The following CDH8 variants were observed in gnomAD, a reference collection of about 807,000 sequenced individuals.
The protein encoded by CDH8 is cadherin 8, also known as cadherin-8.
Under a neutral mutation model 68.1 loss-of-function variants are expected in CDH8, and 17 were observed. The observed-to-expected ratio is 0.25, with a 90% CI of 0.17 to 0.37. The LOEUF (loss-of-function observed/expected upper bound fraction) is 0.37, where lower values mean the gene tolerates loss of function less well. Among genes scored for constraint, CDH8 ranks in the 10% least tolerant of loss-of-function variants. The pLI is 1.00. For missense variants in CDH8, 763 were observed against 999.3 expected, an observed-to-expected ratio of 0.76 and a Z score of 3.19; for synonymous variants, 372 against 365.1, an observed-to-expected ratio of 1.02 and a Z score of -0.21.
At chr16:61,866,570 G>T (rs989347119) in intron 3 of CDH8, among the ~76,000 whole-genome samples, 3 of 146,284 alleles carry the variant, frequency 2.1e-5, no homozygotes, top group African/African-American at 7.4e-5. Flanking sequence ...GAATTATATA[G>T]TGTGTGTGTG....
At chr16:61,936,057 A>C (rs1235634341) in intron 2 of CDH8, among the ~76,000 whole-genome samples, 1 of 152,174 alleles carries the variant, frequency 6.6e-6, no homozygotes, top group Non-Finnish European at 1.5e-5. Flanking sequence ...TCAGTAAATC[A>C]GTGTTTTTAT....
chr16:61,673,574 T>G (rs571762378), intron 10 of CDH8, among the ~76,000 whole-genome samples: 1 of 152,258 alleles, frequency 6.6e-6, no homozygotes, highest in Admixed American at 6.5e-5. Context: ...TTATTCAATA[T>G]GTACAATAAG....
intron 2 of CDH8, among the ~76,000 whole-genome samples, chr16:61,982,679 C>G (rs998019247): frequency 6.6e-6 from 1 of 152,146 alleles, no homozygotes; most frequent in East Asian, 1.9e-4. Flanking sequence ...ATAGACAGTA[C>G]TCAGTAAACA....
chr16:61,684,428 G>T (rs9922048), intron 10 of CDH8, among the ~76,000 whole-genome samples: 94,179 of 151,842 alleles, frequency 0.62, 30,867 homozygotes, highest in African/African-American at 0.84. Flanking sequence ...GATATAGCAA[G>T]AAAAAATCCA....
intron 1 of CDH8, among the ~76,000 whole-genome samples, chr16:62,033,722 C>T (rs1596826427): frequency 6.6e-6 from 1 of 152,094 alleles, no homozygotes; most frequent in Non-Finnish European, 1.5e-5. Flanking sequence ...ACTTGACATT[C>T]ACTTGGGGAG....
intron 10 of CDH8, among the ~76,000 whole-genome samples, chr16:61,675,247 C>T (rs2142786816): frequency 1.3e-5 from 2 of 151,976 alleles, no homozygotes; most frequent in Admixed American, 1.3e-4. Flanking sequence ...GGCACATATA[C>T]ACCATGGAAT....
chr16:61,890,752 T>A (rs989104040), intron 3 of CDH8, among the ~76,000 whole-genome samples: 1 of 152,158 alleles, frequency 6.6e-6, no homozygotes, highest in Non-Finnish European at 1.5e-5. Context: ...TCACATTTTC[T>A]TGTGATTTAT....
intron 3 of CDH8, among the ~76,000 whole-genome samples, chr16:61,884,659 C>T (rs75970196): frequency 6.6e-6 from 1 of 152,140 alleles, no homozygotes; most frequent in South Asian, 2.1e-4. Flanking sequence ...CAGGCGTGAG[C>T]CACTGCACTT....
chr16:61,696,910 G>A (rs1964336890), intron 10 of CDH8, among the ~76,000 whole-genome samples: 1 of 152,094 alleles, frequency 6.6e-6, no homozygotes, highest in Admixed American at 6.6e-5. Context: ...TGGACACAAA[G>A]AAGGAAACAA....
At chr16:61,782,298 T>C (rs567946583) in intron 8 of CDH8, among the ~76,000 whole-genome samples, 1 of 151,910 alleles carries the variant, frequency 6.6e-6, no homozygotes, top group Non-Finnish European at 1.5e-5. Context: ...GGTCAGGGAG[T>C]TCCCTTTCCG....
At chr16:61,808,008 G>A (rs1021575366) in intron 7 of CDH8, among the ~76,000 whole-genome samples, 27 of 152,186 alleles carry the variant, frequency 1.8e-4, no homozygotes, top group Admixed American at 1.2e-3. Context: ...ATGCTACAAA[G>A]TGTAAATGTA....
intron 2 of CDH8, among the ~76,000 whole-genome samples, chr16:61,914,468 T>C (rs780300743): frequency 5.9e-5 from 9 of 152,188 alleles, no homozygotes; most frequent in Non-Finnish European, 1.2e-4. Context: ...ATTTTGCAGA[T>C]GTGACTAAAT....
chr16:61,672,005 C>T (rs1963806370), intron 10 of CDH8, among the ~76,000 whole-genome samples: 1 of 152,060 alleles, frequency 6.6e-6, no homozygotes, highest in African/African-American at 2.4e-5. Flanking sequence ...ATAGAGAAAT[C>T]TAAATACATT....
At chr16:61,955,154 T>C (rs1964965690) in intron 2 of CDH8, among the ~76,000 whole-genome samples, 1 of 152,204 alleles carries the variant, frequency 6.6e-6, no homozygotes, top group Non-Finnish European at 1.5e-5. Flanking sequence ...TGGGTTACTG[T>C]TTTCTCTTCA....
chr16:61,647,624 G>A lies in CDH8; in HGVS notation c.*5984C>T. 1.1e-5 allele frequency: 6 copies of A among 531,486 alleles called. No homozygotes were observed. Among genetic ancestry groups the A allele is most frequent in the South Asian group, 5.1e-5 (2 of 39,070 alleles). 32.9% of individuals were successfully genotyped at this position (531,486 alleles called of 1,614,324 possible). ...AAGAAATTAACATTTGGCTTTGGGG[G>A]GTGATCCCAATGACTCCTAAATTGT... On this transcript the variant is annotated 3_prime_UTR_variant, in exon 12 of 12. Transcript: ENST00000577390.
At chr16:61,789,211 A>C in intron 8 of CDH8, 135 bp downstream of exon 8, 1 of 692,438 alleles carries the variant, frequency 1.4e-6, no homozygotes, top group Admixed American at 3.1e-5. Flanking sequence ...ATACATTCAA[A>C]GGCTCCTTGG....
At chr16:61,927,387 A>C (rs1037474224) in intron 2 of CDH8, among the ~76,000 whole-genome samples, 4 of 151,986 alleles carry the variant, frequency 2.6e-5, no homozygotes, top group Non-Finnish European at 5.9e-5. Flanking sequence ...TACACTAAAC[A>C]CACACACACT....
At chr16:61,862,266 T>C (rs551025700) in intron 3 of CDH8, among the ~76,000 whole-genome samples, 3 of 152,152 alleles carry the variant, frequency 2.0e-5, no homozygotes, top group African/African-American at 7.2e-5. Flanking sequence ...AAATAAAAAG[T>C]ATTTTATAAA....
intron 2 of CDH8, among the ~76,000 whole-genome samples, chr16:61,957,641 T>G (rs542340570): frequency 6.6e-6 from 1 of 152,314 alleles, no homozygotes; most frequent in East Asian, 1.9e-4. Context: ...CACGCATTCA[T>G]TGACTCTGTT....
Sources: allele counts gnomAD v4.1 joint callset (sites outside exome capture counted in the v4.1 genomes callset), GRCh38; gene constraint gnomAD v4.1.1; transcripts MANE v1.5; gene names NCBI Gene and HGNC (gene_info 2026-07-23, HGNC 2026-07-21).